Variants in DHPS observed in about 807,000 individuals in gnomAD.
The protein encoded by DHPS is migration-inducing gene 13.
A neutral mutation model predicts 38.7 loss-of-function variants in DHPS; 24 were observed. That is an observed-to-expected ratio of 0.62 (90% CI 0.45 to 0.87). DHPS has a LOEUF of 0.87. Among genes scored for constraint, DHPS ranks in the 40% least tolerant of loss-of-function variants. The probability of loss-of-function intolerance (pLI) is 0.00; values close to 1 mark genes in which losing one functional copy is unlikely to be tolerated. For missense variants in DHPS, 510 were observed against 497.6 expected (o/e 1.02, Z -0.24); for synonymous variants, 250 against 204.4 (o/e 1.22, Z -1.90).
downstream of DHPS, among the ~76,000 whole-genome samples, chr19:12,675,238 G>A (rs916618615): frequency 1.3e-5 from 2 of 152,130 alleles, no homozygotes; most frequent in East Asian, 1.9e-4. Flanking sequence ...ACCAGCCTGG[G>A]CAACATGGTA....
downstream of DHPS, among the ~76,000 whole-genome samples, chr19:12,673,517 A>G (rs138101261): frequency 7.7e-3 from 1,134 of 147,864 alleles, 12 homozygotes; most frequent in Middle Eastern, 0.029. Context: ...TCCCAAGTTC[A>G]AGCGATTCTC....
chr19:12,673,705 C>G (rs969388014), downstream of DHPS, among the ~76,000 whole-genome samples: 2 of 151,712 alleles, frequency 1.3e-5, no homozygotes, highest in South Asian at 4.1e-4. Flanking sequence ...CGTAAGCCAC[C>G]ACACCCGGCC....
At chr19:12,672,545 T>G, downstream of DHPS, 8 of 371,180 alleles carry the variant, frequency 2.2e-5, no homozygotes, top group South Asian at 5.8e-5. Flanking sequence ...GAGGCAGAGG[T>G]TCCGGTGAGC....
chr19:12,678,709 C>A (rs2024696442), intron 5 of DHPS, among the ~76,000 whole-genome samples: 1 of 129,108 alleles, frequency 7.7e-6, no homozygotes, highest in Non-Finnish European at 1.5e-5. Context: ...GTGGAGGGTG[C>A]AGTGAGCTGA....
At chr19:12,676,444 C>T (rs538573280) in intron 7 of DHPS, 38 of 376,286 alleles carry the variant, frequency 1.0e-4, no homozygotes, top group African/African-American at 7.4e-4. Context: ...CGCCTGCCTC[C>T]TGATCCCTGC....
At chr19:12,677,916 C>T (rs1340064442) in intron 5 of DHPS, among the ~76,000 whole-genome samples, 1 of 150,830 alleles carries the variant, frequency 6.6e-6, no homozygotes, top group Non-Finnish European at 1.5e-5. Flanking sequence ...ACTGGGATTA[C>T]AAGCATGAGC....
intron 5 of DHPS, among the ~76,000 whole-genome samples, chr19:12,678,431 C>A (rs776231153): frequency 6.6e-6 from 1 of 152,042 alleles, no homozygotes; most frequent in Non-Finnish European, 1.5e-5. Flanking sequence ...TGTGCCATTG[C>A]ACTCCAGCCT....
rs754130948 is a variant in DHPS, at chr19:12,677,149, C to CAGTGATCATCCCAGT, written c.846_847insACTGGGATGATCACT (p.Gly282_Gly283insThrGlyMetIleThr). ...GCAATGTGGTGCTTGACCACGCCCCCGCCCAGAATGATCATCCCAGTGCAC... is the reference window on the plus strand; with the variant it reads ...GCAATGTGGTGCTTGACCACGCCCCCAGTGATCATCCCAGTGCCCAGAATGATCATCCCAGTGCAC... On this transcript the variant is annotated inframe_insertion, in exon 7 of 9. Coordinates refer to ENST00000210060, the MANE Select transcript of DHPS (RefSeq NM_001930.4). The CAGTGATCATCCCAGT allele has an allele frequency of 3.7e-6, 6 of 1,614,100 alleles. No individual in the cohort carries two copies. The highest frequency in any genetic ancestry group is 5.1e-6 in the Non-Finnish European group (6 of 1,180,050).
rs35129924 is a variant in DHPS at position 12,679,523 on chromosome 19, A to G, written c.612T>C (p.Ser204=). ...CCTTGCCCAGCCGGGCGATCATCTT[A>G]GAAGGCGTCCACTTTACACCCTAGG... ...QNTEGVKWTP[S]KMIARLGKEI... is the part of the protein sequence containing the mutation. Residue 204 remains serine, a synonymous_variant, in exon 5 of 9, where the codon TCT becomes TCC. Transcript: ENST00000210060. 7.7e-4 allele frequency: 1,240 copies of G among 1,614,214 alleles called. 10 individuals are homozygous for G. The African/African-American group carries it at 0.015, about 20-fold the overall frequency.
intron 1 of DHPS, among the ~76,000 whole-genome samples, chr19:12,680,833 C>CTTT (rs775520052): frequency 1.7e-5 from 2 of 119,604 alleles, no homozygotes; most frequent in African/African-American, 4.0e-5. Flanking sequence ...CGTGCCCGGC[C>CTTT]TTTTTTTTTT....
chr19:12,672,548 C>A (rs561307368), downstream of DHPS: 1 of 391,020 alleles, frequency 2.6e-6, no homozygotes, highest in African/African-American at 2.0e-5. Flanking sequence ...GCAGAGGTTC[C>A]GGTGAGCCAA....
downstream of DHPS, among the ~76,000 whole-genome samples, chr19:12,675,190 G>A (rs1341957426): frequency 6.6e-6 from 1 of 152,144 alleles, no homozygotes; most frequent in Non-Finnish European, 1.5e-5. Context: ...ACTTTGGGAG[G>A]CCAAGGCAGG....
intron 7 of DHPS, 139 bp from the exon 8 acceptor site, chr19:12,676,281 G>A: frequency 9.0e-7 from 1 of 1,110,450 alleles, no homozygotes; most frequent in Admixed American, 2.9e-5. Context: ...CTCCCAGACA[G>A]GGCCCATGTC....
Position 12,681,651 on chromosome 19 carries a change from C to T in DHPS, c.116G>A (p.Gly39Asp), listed in dbSNP as rs1181725000. Residue 39 changes from glycine to aspartate, a missense_variant, in exon 1 of 9, where the codon GGT becomes GAT. Physicochemically the swap from Gly to Asp is moderately conservative, Grantham distance 94. Coordinates refer to ENST00000210060, the MANE Select transcript of DHPS (RefSeq NM_001930.4). ...TQVRGYDFNR[G>D]VNYRALLEAF... ...CTCCAGCAGTGCGCGGTAATTCACA[C>T]CGCGGTTGAAGTCGTAGCCCCGGAC... 6.2e-7 allele frequency: 1 copy of T among 1,614,250 alleles called. No individual in the cohort carries two copies.
Position 12,680,224 on chromosome 19 carries a change from A to T in DHPS, c.309T>A (p.Tyr103Ter). 6.2e-7 allele frequency: 1 copy of T among 1,614,144 alleles called. No homozygotes were observed. Among genetic ancestry groups the T allele is most frequent in the African/African-American group, 1.3e-5 (1 of 75,032 alleles). ...PLTSCTIFLG[Y>*]TSNLISSGIR... ...TGCCTGAACTGATGAGGTTGGATGT[A>T]TATCCCAGGAAAATGGTGCAGCTGG... is the stretch of plus-strand genomic sequence containing the variant. The change falls in exon 2 of 9, where the codon TAT becomes TAA. Residue 103 changes from tyrosine (Y) to a stop codon, truncating the protein, a stop_gained. Coordinates refer to ENST00000210060, the MANE Select transcript of DHPS (RefSeq NM_001930.4). LOFTEE classifies it high-confidence loss of function.
At chr19:12,680,776 C>T (rs1229278348) in intron 1 of DHPS, among the ~76,000 whole-genome samples, 4 of 148,960 alleles carry the variant, frequency 2.7e-5, no homozygotes, top group South Asian at 4.2e-4. Flanking sequence ...TCAGGTGATC[C>T]GCCCGCCTCG....
In DHPS at chr19:12,679,857, T is replaced by C. The variant is rs758337280; in HGVS notation, c.438A>G (p.Thr146=). ...CCCTGAGGCTAAACTCGCCCAAGTA[T>C]GTGGGCGCCAGGCACTTGATGAGGT... ...EEDLIKCLAP[T]YLGEFSLRGK... The change falls in exon 3 of 9, where the codon ACA becomes ACG. Residue 146 remains threonine (T), a synonymous_variant. Coordinates refer to ENST00000210060, the MANE Select transcript of DHPS (RefSeq NM_001930.4). 1 of 1,614,168 alleles carries C rather than the reference T, an allele frequency of 6.2e-7. No individual in the cohort carries two copies. The highest frequency in any genetic ancestry group is 1.1e-5 in the South Asian group (1 of 91,080).
At chr19:12,681,045 G>A in intron 1 of DHPS, 2 of 998,990 alleles carry the variant, frequency 2.0e-6, no homozygotes, top group Non-Finnish European at 2.7e-6. Flanking sequence ...TGTTGGCCAG[G>A]CTTGTCTCGA....
rs2024758971 is a variant in DHPS at position 12,680,235 on chromosome 19, A to G, written c.298T>C (p.Phe100Leu). The G allele has an allele frequency of 1.9e-6, 3 of 1,614,030 alleles. No homozygotes were observed. The highest frequency in any genetic ancestry group is 2.5e-6 in the Non-Finnish European group (3 of 1,180,026). The change falls in exon 2 of 9, where the codon TTC becomes CTC. Residue 100 changes from phenylalanine to leucine, a missense_variant. Coordinates refer to ENST00000210060, the MANE Select transcript of DHPS (RefSeq NM_001930.4). ...SRRPLTSCTIFLGYTSNLISS... is the reference protein window; with the variant it reads ...SRRPLTSCTILLGYTSNLISS... ...ATGAGGTTGGATGTATATCCCAGGA[A>G]AATGGTGCAGCTGGTAAGTGGGCGG... is the stretch of plus-strand genomic sequence containing the variant.
Sources: allele counts gnomAD v4.1 joint callset (sites outside exome capture counted in the v4.1 genomes callset), GRCh38; gene constraint gnomAD v4.1.1; transcripts MANE v1.5; gene names NCBI Gene and HGNC (gene_info 2026-07-23, HGNC 2026-07-21).